The following TENM3 variants were observed in gnomAD, a reference collection of about 807,000 sequenced individuals.
TENM3 encodes the protein teneurin transmembrane protein 3, also known as teneurin-3.
A neutral mutation model predicts 255.1 loss-of-function variants in TENM3; 63 were observed. That is an observed-to-expected ratio of 0.25 (90% CI 0.20 to 0.30). TENM3 has a LOEUF of 0.30. Among genes scored for constraint, TENM3 ranks in the 10% least tolerant of loss-of-function variants. TENM3 has a pLI of 1.00. For synonymous variants in TENM3, 1,306 were observed against 1,322.3 expected, an observed-to-expected ratio of 0.99 and a Z score of 0.27; for missense variants, 2,929 against 3,461.1, an observed-to-expected ratio of 0.85 and a Z score of 3.86.
chr4:182,117,022 G>T, the TENM3 span, among the ~76,000 whole-genome samples: 8 of 152,130 alleles, frequency 5.3e-5, no homozygotes, highest in African/African-American at 1.4e-4. Context: ...GTTTTAACTT[G>T]CATTTCCCAA....
intron 5 of TENM3, among the ~76,000 whole-genome samples, chr4:182,635,683 T>A (rs1307778779): frequency 6.6e-6 from 1 of 152,212 alleles, no homozygotes; most frequent in Admixed American, 6.5e-5. Context: ...ACCAACTGAT[T>A]TCTAAAATAC....
intron 3 of TENM3, among the ~76,000 whole-genome samples, chr4:182,560,026 C>G (rs970509217): frequency 2.0e-5 from 3 of 151,018 alleles, no homozygotes; most frequent in Non-Finnish European, 4.4e-5. Flanking sequence ...TCTCATGTAC[C>G]CCACAAATAT....
At chr4:182,676,972 G>A (rs1755714600) in intron 7 of TENM3, among the ~76,000 whole-genome samples, 1 of 152,040 alleles carries the variant, frequency 6.6e-6, no homozygotes, top group South Asian at 2.1e-4. Flanking sequence ...CCTAAAAAGA[G>A]CATAAGGTCC....
chr4:182,185,761 G>C (rs1270598150), intron 1 of TENM3, among the ~76,000 whole-genome samples: 1 of 152,160 alleles, frequency 6.6e-6, no homozygotes, highest in Non-Finnish European at 1.5e-5. Context: ...GGAAATTTCT[G>C]CTTCTTCTGT....
chr4:181,914,809 A>G, the TENM3 span, among the ~76,000 whole-genome samples: 3 of 152,178 alleles, frequency 2.0e-5, no homozygotes, highest in African/African-American at 4.8e-5. Flanking sequence ...AAAGAGACAA[A>G]TTGTCAACTG....
At chr4:182,188,174 A>G (rs1326334059) in intron 1 of TENM3, among the ~76,000 whole-genome samples, 1 of 152,168 alleles carries the variant, frequency 6.6e-6, no homozygotes, top group Non-Finnish European at 1.5e-5. Flanking sequence ...TCACTTTGTT[A>G]TAGTATTTGA....
chr4:182,788,070 G>T (rs73869828), intron 24 of TENM3, among the ~76,000 whole-genome samples: 11,269 of 152,130 alleles, frequency 0.074, 1,396 homozygotes, highest in African/African-American at 0.25. Context: ...TGTAAAATTG[G>T]TCAGCTGGAT....
At chr4:182,430,906 G>A (rs1771586101) in intron 3 of TENM3, among the ~76,000 whole-genome samples, 1 of 151,794 alleles carries the variant, frequency 6.6e-6, no homozygotes, top group African/African-American at 2.4e-5. Context: ...CAGCTACTCG[G>A]GAGGCTAAGA....
chr4:182,495,992 T>C (rs539869080), intron 3 of TENM3, among the ~76,000 whole-genome samples: 1 of 152,200 alleles, frequency 6.6e-6, no homozygotes, highest in African/African-American at 2.4e-5. Context: ...GCATTTTACA[T>C]GATATTGTCA....
chr4:181,701,943 G>C, the TENM3 span, among the ~76,000 whole-genome samples: 8 of 152,244 alleles, frequency 5.3e-5, no homozygotes, highest in African/African-American at 1.9e-4. Flanking sequence ...TTCTCCTATA[G>C]CTGGGTCCTT....
intron 3 of TENM3, among the ~76,000 whole-genome samples, chr4:182,483,297 G>A (rs769356978): frequency 1.3e-5 from 2 of 152,122 alleles, no homozygotes; most frequent in Non-Finnish European, 2.9e-5. Flanking sequence ...GCACTGGTGT[G>A]TGTTTATGTT....
the TENM3 span, among the ~76,000 whole-genome samples, chr4:181,739,386 C>T: frequency 1.3e-5 from 2 of 152,160 alleles, no homozygotes; most frequent in East Asian, 1.9e-4. Flanking sequence ...AGAGACCCTT[C>T]GAACTGTTGC....
chr4:181,734,365 C>T, the TENM3 span, among the ~76,000 whole-genome samples: 1 of 151,426 alleles, frequency 6.6e-6, no homozygotes, highest in Non-Finnish European at 1.5e-5. Context: ...TTTGGGAGTT[C>T]AATAAAAATT....
chr4:181,653,808 C>G, the TENM3 span, among the ~76,000 whole-genome samples: 1 of 150,716 alleles, frequency 6.6e-6, no homozygotes, highest in Middle Eastern at 3.4e-3. Context: ...CCCCCATAAT[C>G]TAGGTTTTAA....
At chr4:182,205,664 C>T (rs1437306290) in intron 1 of TENM3, among the ~76,000 whole-genome samples, 2 of 152,258 alleles carry the variant, frequency 1.3e-5, no homozygotes, top group African/African-American at 4.8e-5. Context: ...CTTGGCACAT[C>T]GTTTTCCAGT....
chr4:181,495,022 C>T, the TENM3 span, among the ~76,000 whole-genome samples: 2 of 152,116 alleles, frequency 1.3e-5, no homozygotes, highest in African/African-American at 4.8e-5. Flanking sequence ...ATTTATCCAT[C>T]ATTCAAAATG....
the TENM3 span, among the ~76,000 whole-genome samples, chr4:181,893,491 ACC>A: frequency 3.2e-4 from 8 of 24,912 alleles, 1 homozygote; most frequent in Non-Finnish European, 4.6e-4. Flanking sequence ...TCCCCTGCCC[ACC>A]CCCCCCCCAC....
chr4:182,125,609 A>T, the TENM3 span, among the ~76,000 whole-genome samples: 1 of 152,196 alleles, frequency 6.6e-6, no homozygotes, highest in Non-Finnish European at 1.5e-5. Flanking sequence ...TTGGATTTAA[A>T]GGAGATGAGA....
chr4:181,902,557 T>C, the TENM3 span, among the ~76,000 whole-genome samples: 2 of 151,974 alleles, frequency 1.3e-5, no homozygotes, highest in East Asian at 3.9e-4. Context: ...ATAAAGAAAA[T>C]GTGGCACATA....
Sources: gnomAD v4.1 joint callset for allele counts (sites outside exome capture counted in the v4.1 genomes callset) on GRCh38, gnomAD v4.1.1 for gene constraint, MANE v1.5 for transcripts, NCBI Gene and HGNC (gene_info 2026-07-23, HGNC 2026-07-21) for gene names.